MARCHF1: variants seen among roughly 807,000 people sequenced by gnomAD.
MARCHF1 encodes the protein E3 ubiquitin-protein ligase MARCHF1.
A neutral mutation model predicts 54.2 loss-of-function variants in MARCHF1; 40 were observed. The ratio of observed to expected loss-of-function variants is 0.74; its 90% CI spans 0.57 to 0.96. The LOEUF (loss-of-function observed/expected upper bound fraction) is 0.96, where lower values mean the gene tolerates loss of function less well. Ranked by LOEUF, MARCHF1 falls within the 40% of genes least tolerant of loss-of-function variation. The probability of loss-of-function intolerance (pLI) is 0.00; values close to 1 mark genes in which losing one functional copy is unlikely to be tolerated. For synonymous variants in MARCHF1, 236 were observed against 236.3 expected (o/e 1.00, Z 0.01); for missense variants, 586 against 656.5 (o/e 0.89, Z 1.17).
chr4:164,092,516 C>G (rs1017576726), intron 2 of MARCHF1, among the ~76,000 whole-genome samples: 1 of 152,084 alleles, frequency 6.6e-6, no homozygotes, highest in Admixed American at 6.6e-5. Flanking sequence ...GGTTTATAAG[C>G]TGTCTATTCT....
In MARCHF1 at chr4:163,953,874, G is replaced by A. The variant is rs200108537; in HGVS notation, c.-39+34627C>T. Among the ~76,000 whole-genome samples, 3 of 152,176 alleles carry A rather than the reference G, an allele frequency of 2.0e-5. No homozygotes were observed. The East Asian group carries it at 5.8e-4, about 29-fold the overall frequency. On this transcript the variant is annotated intron_variant, in intron 3 of 9. Transcript: ENST00000514618. ...GCATTTTTCTTACAATGGCAGAGTTGAGTGGATAAGGGTGAATGAGACACA... is the reference window on the plus strand; with the variant it reads ...GCATTTTTCTTACAATGGCAGAGTTAAGTGGATAAGGGTGAATGAGACACA...
chr4:163,927,909 T>A (rs948133228), intron 3 of MARCHF1, among the ~76,000 whole-genome samples: 1 of 151,862 alleles, frequency 6.6e-6, no homozygotes, highest in African/African-American at 2.4e-5. Flanking sequence ...ATTTAAAATT[T>A]TTTCTCTCTT....
chr4:163,761,695 A>T (rs1289755418), intron 4 of MARCHF1, among the ~76,000 whole-genome samples: 1 of 152,278 alleles, frequency 6.6e-6, no homozygotes, highest in Non-Finnish European at 1.5e-5. Context: ...AATTCTGGGA[A>T]ATGTTCTTCA....
At chr4:164,198,221 C>G (rs1162935180) in intron 1 of MARCHF1, among the ~76,000 whole-genome samples, 1 of 151,926 alleles carries the variant, frequency 6.6e-6, no homozygotes, top group African/African-American at 2.4e-5. Context: ...CTGTAAAAAG[C>G]TAAATCTATC....
intron 1 of MARCHF1, among the ~76,000 whole-genome samples, chr4:164,348,624 T>C (rs1730185424): frequency 6.6e-6 from 1 of 152,148 alleles, no homozygotes; most frequent in Non-Finnish European, 1.5e-5. Context: ...CCATGAGAAG[T>C]TAATATCAGT....
chr4:164,189,674 T>A, intron 1 of MARCHF1: 1 of 953,114 alleles, frequency 1.0e-6, no homozygotes, highest in South Asian at 1.3e-5. Context: ...GGTGTCATGA[T>A]CAAACTGATT....
Position 163,550,132 on chromosome 4 carries a change from A to T in MARCHF1, c.1192-4389T>A, listed in dbSNP as rs558749367. 1.7e-4 allele frequency among the ~76,000 whole-genome samples: 26 copies of T among 152,212 alleles called. No homozygotes were observed. In the East Asian group the frequency reaches 5.0e-3, roughly 30 times the overall value. ...ACCCCGTCTCTACTAGAATACAAAAATTATCCAGGCGTGGCGGCGGGCGAC... is the reference window on the plus strand; with the variant it reads ...ACCCCGTCTCTACTAGAATACAAAATTTATCCAGGCGTGGCGGCGGGCGAC... On this transcript the variant is annotated intron_variant, in intron 8 of 9. Coordinates refer to ENST00000514618, the MANE Select transcript of MARCHF1 (RefSeq NM_001394959.1).
intron 1 of MARCHF1, among the ~76,000 whole-genome samples, chr4:164,221,837 G>T (rs1157003687): frequency 6.6e-6 from 1 of 152,028 alleles, no homozygotes; most frequent in Non-Finnish European, 1.5e-5. Context: ...AGTCAGAAAT[G>T]AGTCATATGT....
intron 4 of MARCHF1, among the ~76,000 whole-genome samples, chr4:163,783,790 G>T (rs1161691868): frequency 6.6e-6 from 1 of 152,024 alleles, no homozygotes; most frequent in Non-Finnish European, 1.5e-5. Flanking sequence ...TGCAATGCTG[G>T]TCCCTTTCTC....
chr4:164,378,789 G>A (rs1057238989), intron 1 of MARCHF1, among the ~76,000 whole-genome samples: 5 of 152,200 alleles, frequency 3.3e-5, no homozygotes, highest in African/African-American at 1.2e-4. Context: ...TTGGCTTGCT[G>A]CAACCTCTGC....
intron 4 of MARCHF1, among the ~76,000 whole-genome samples, chr4:163,791,909 A>T (rs1284775366): frequency 1.3e-5 from 2 of 152,036 alleles, no homozygotes; most frequent in Admixed American, 1.3e-4. Context: ...CCCCTATTAC[A>T]TCCATAGAAT....
intron 2 of MARCHF1, among the ~76,000 whole-genome samples, chr4:164,060,447 T>C (rs1363507191): frequency 6.6e-6 from 1 of 152,128 alleles, no homozygotes; most frequent in Non-Finnish European, 1.5e-5. Context: ...ATAAAGAAGA[T>C]TATAATCACA....
intron 2 of MARCHF1, among the ~76,000 whole-genome samples, chr4:164,101,195 C>A (rs1209800187): frequency 2.0e-5 from 3 of 152,198 alleles, no homozygotes; most frequent in Non-Finnish European, 2.9e-5. Context: ...GAGGGGCACC[C>A]GCCATTGCCC....
chr4:163,690,167 T>C (rs1365857065), intron 5 of MARCHF1, among the ~76,000 whole-genome samples: 2 of 152,184 alleles, frequency 1.3e-5, no homozygotes, highest in Non-Finnish European at 2.9e-5. Context: ...TTGTGTTTGA[T>C]TTGTGAGCCA....
chr4:163,805,010 T>C (rs749182747), intron 4 of MARCHF1, among the ~76,000 whole-genome samples: 3 of 152,162 alleles, frequency 2.0e-5, no homozygotes, highest in Non-Finnish European at 4.4e-5. Context: ...TTTTTTCATC[T>C]TTGGATAATG....
chr4:164,003,699 T>C (rs949439068), intron 2 of MARCHF1, among the ~76,000 whole-genome samples: 1 of 152,108 alleles, frequency 6.6e-6, no homozygotes, highest in Non-Finnish European at 1.5e-5. Context: ...GAATGTAAAT[T>C]AGTTCAACCA....
chr4:164,171,911 T>G (rs2110977851), intron 1 of MARCHF1, among the ~76,000 whole-genome samples: 1 of 152,330 alleles, frequency 6.6e-6, no homozygotes, highest in Non-Finnish European at 1.5e-5. Flanking sequence ...AGAATGACAT[T>G]TTGATTTGAC....
intron 4 of MARCHF1, among the ~76,000 whole-genome samples, chr4:163,745,395 GAGCCACCATGCCC>G (rs541858385): frequency 9.9e-4 from 150 of 152,190 alleles, no homozygotes; most frequent in African/African-American, 3.4e-3. Flanking sequence ...TTACAGGCAT[GAGCCACCATGCCC>G]AGCCACCATG....
intron 3 of MARCHF1, among the ~76,000 whole-genome samples, chr4:163,890,044 C>T (rs1750625457): frequency 6.7e-6 from 1 of 150,310 alleles, no homozygotes; most frequent in Non-Finnish European, 1.5e-5. Flanking sequence ...CCTGTCTCAG[C>T]CTCCCGAGTA....
Sources: gnomAD v4.1 joint callset for allele counts (sites outside exome capture counted in the v4.1 genomes callset) on GRCh38, gnomAD v4.1.1 for gene constraint, MANE v1.5 for transcripts, NCBI Gene and HGNC (gene_info 2026-07-23, HGNC 2026-07-21) for gene names.